Variants in TENM3 observed in about 807,000 individuals in gnomAD.
TENM3 encodes the protein teneurin-3.
TENM3 carries 63 observed loss-of-function variants against 255.1 expected under a neutral mutation model. The ratio of observed to expected loss-of-function variants is 0.25; its 90% CI spans 0.20 to 0.30. The LOEUF (loss-of-function observed/expected upper bound fraction) is 0.30. TENM3 is among the 10% of genes least tolerant of loss of function. The pLI, the probability that TENM3 is intolerant of heterozygous loss-of-function variation, is 1.00. For missense variants in TENM3, 2,929 were observed against 3,461.1 expected, an observed-to-expected ratio of 0.85 and a Z score of 3.86; for synonymous variants, 1,306 against 1,322.3, an observed-to-expected ratio of 0.99 and a Z score of 0.27.
chr4:181,762,060 A>G, the TENM3 span, among the ~76,000 whole-genome samples: 1 of 152,154 alleles, frequency 6.6e-6, no homozygotes. Flanking sequence ...TCCAGATGTG[A>G]GCAGCACCAA....
chr4:181,896,591 C>G, the TENM3 span, among the ~76,000 whole-genome samples: 1 of 152,172 alleles, frequency 6.6e-6, no homozygotes, highest in Admixed American at 6.5e-5. Flanking sequence ...CATCTGAAGC[C>G]ATGGTACACT....
intron 1 of TENM3, among the ~76,000 whole-genome samples, chr4:182,194,476 T>A (rs1211877866): frequency 6.6e-6 from 1 of 152,170 alleles, no homozygotes; most frequent in Non-Finnish European, 1.5e-5. Flanking sequence ...AGCACGCTTT[T>A]AGTTTACCTA....
intron 6 of TENM3, among the ~76,000 whole-genome samples, chr4:182,664,256 C>G (rs1452070871): frequency 6.6e-6 from 1 of 152,156 alleles, no homozygotes; most frequent in East Asian, 1.9e-4. Context: ...ATATTTCAAA[C>G]TTTTTCATTA....
chr4:182,071,310 T>G, the TENM3 span, among the ~76,000 whole-genome samples: 1 of 152,208 alleles, frequency 6.6e-6, no homozygotes, highest in South Asian at 2.1e-4. Context: ...CAATTATAAT[T>G]ATTCCAATAT....
the TENM3 span, among the ~76,000 whole-genome samples, chr4:181,641,818 A>G: frequency 1.8e-5 from 2 of 113,404 alleles, no homozygotes; most frequent in Middle Eastern, 4.6e-3. Context: ...ATATATATAT[A>G]TATATATATA....
At position 182,792,961 on chromosome 4, in the gene TENM3, T is replaced by A. The variant is rs1365569276; in HGVS notation, c.6289T>A (p.Ser2097Thr). 1 of 1,613,866 alleles carries A rather than the reference T, an allele frequency of 6.2e-7. No homozygotes were observed. Among genetic ancestry groups the A allele is most frequent in the Non-Finnish European group, 8.5e-7 (1 of 1,179,824 alleles). The part of the protein sequence containing the change: ...IKEIQYEIFR[S>T]LMYWITIQYD... ...GGAGATTCAATATGAGATATTCAGG[T>A]CGCTCATGTACTGGATTACAATTCA... Residue 2097 changes from serine to threonine, a missense_variant, in exon 26 of 28, where the codon TCG becomes ACG. Transcript: ENST00000511685. The surrounding 1 kb of genome is among the most constrained non-coding windows in gnomAD (Gnocchi z 6.3).
the TENM3 span, among the ~76,000 whole-genome samples, chr4:181,484,989 A>C: frequency 2.6e-3 from 398 of 152,288 alleles, 3 homozygotes; most frequent in African/African-American, 9.2e-3. Flanking sequence ...TTAGGGCAGA[A>C]AGACTCTTGA....
the TENM3 span, chr4:181,975,700 T>C: frequency 3.3e-5 from 5 of 152,372 alleles, no homozygotes; most frequent in Non-Finnish European, 7.3e-5. Flanking sequence ...TCAGGCACAG[T>C]GCGCAGTGGT....
intron 1 of TENM3, among the ~76,000 whole-genome samples, chr4:182,160,696 G>C (rs1241216962): frequency 6.6e-6 from 1 of 152,190 alleles, no homozygotes; most frequent in African/African-American, 2.4e-5. Context: ...ACATGGGGAA[G>C]GGGAGACGTT....
At chr4:181,856,281 C>A in the TENM3 span, among the ~76,000 whole-genome samples, 1 of 152,058 alleles carries the variant, frequency 6.6e-6, no homozygotes, top group Non-Finnish European at 1.5e-5. Flanking sequence ...AAATCTGGGA[C>A]CTTGGACAAA....
intron 3 of TENM3, among the ~76,000 whole-genome samples, chr4:182,514,076 G>A (rs911920589): frequency 6.6e-6 from 1 of 152,196 alleles, no homozygotes; most frequent in Admixed American, 6.5e-5. Context: ...CTGTTGGGGC[G>A]GCATGCCCCC....
intron 24 of TENM3, among the ~76,000 whole-genome samples, chr4:182,781,916 T>C (rs1765200008): frequency 6.6e-6 from 1 of 151,166 alleles, no homozygotes; most frequent in Non-Finnish European, 1.5e-5. Flanking sequence ...TTTATCATTT[T>C]TTATTGCATC....
intron 13 of TENM3, among the ~76,000 whole-genome samples, chr4:182,728,463 C>G (rs1447489216): frequency 1.3e-5 from 2 of 152,192 alleles, no homozygotes; most frequent in African/African-American, 2.4e-5. Context: ...TCAGCCATCT[C>G]TAATCCAAAT....
the TENM3 span, among the ~76,000 whole-genome samples, chr4:181,951,645 T>C: frequency 6.6e-6 from 1 of 152,244 alleles, no homozygotes; most frequent in Non-Finnish European, 1.5e-5. Flanking sequence ...TGCTTGGAGA[T>C]GGACACATGT....
the TENM3 span, among the ~76,000 whole-genome samples, chr4:181,605,979 T>A: frequency 6.6e-6 from 1 of 152,194 alleles, no homozygotes; most frequent in Non-Finnish European, 1.5e-5. Flanking sequence ...TCAAATGACC[T>A]GAGGGTGCTG....
intron 3 of TENM3, among the ~76,000 whole-genome samples, chr4:182,369,863 G>A (rs1190891801): frequency 1.3e-5 from 2 of 152,102 alleles, no homozygotes; most frequent in African/African-American, 4.8e-5. Flanking sequence ...ACGTGACAGA[G>A]TGAAACTCTG....
chr4:182,153,527 A>T (rs1271247914), intron 1 of TENM3, among the ~76,000 whole-genome samples: 2 of 152,112 alleles, frequency 1.3e-5, no homozygotes, highest in African/African-American at 4.8e-5. Flanking sequence ...TATAGCCATG[A>T]CCGAAGTCCA....
the TENM3 span, among the ~76,000 whole-genome samples, chr4:181,654,903 A>C: frequency 8.5e-5 from 13 of 152,302 alleles, no homozygotes; most frequent in Admixed American, 2.6e-4. Flanking sequence ...ACATGAGAAA[A>C]ACTACTGGCC....
the TENM3 span, among the ~76,000 whole-genome samples, chr4:182,089,164 C>T: frequency 8.5e-5 from 13 of 152,302 alleles, no homozygotes; most frequent in Admixed American, 4.6e-4. Context: ...AAGAAAGAAA[C>T]TTCTGTTGTG....
Sources: allele counts gnomAD v4.1 joint callset (sites outside exome capture counted in the v4.1 genomes callset), GRCh38; gene constraint gnomAD v4.1.1; non-coding constraint Gnocchi (gnomAD v3.1); transcripts MANE v1.5; gene names NCBI Gene and HGNC (gene_info 2026-07-23, HGNC 2026-07-21).